PLPP4: variants seen among roughly 807,000 people sequenced by gnomAD.
PLPP4 encodes the protein phospholipid phosphatase 4, also known as diacylglycerol pyrophosphate like 2.
A neutral mutation model predicts 32.2 loss-of-function variants in PLPP4; 20 were observed. The observed-to-expected ratio is 0.62, with a 90% CI of 0.44 to 0.90. PLPP4 has a LOEUF of 0.90. Ranked by LOEUF, PLPP4 falls within the 40% of genes least tolerant of loss-of-function variation. PLPP4 has a pLI of 0.00. For synonymous variants in PLPP4, 127 were observed against 133.0 expected, an observed-to-expected ratio of 0.95 and a Z score of 0.31; for missense variants, 257 against 353.1, an observed-to-expected ratio of 0.73 and a Z score of 2.18.
intron 1 of PLPP4, among the ~76,000 whole-genome samples, chr10:120,462,228 G>GGGTT (rs1848084004): frequency 6.6e-6 from 1 of 150,490 alleles, no homozygotes; most frequent in African/African-American, 2.5e-5. Context: ...GTGGGCTTTG[G>GGGTT]GGTGGGTGGG....
chr10:120,548,082 T>G (rs956934204), intron 5 of PLPP4, among the ~76,000 whole-genome samples: 1 of 152,126 alleles, frequency 6.6e-6, no homozygotes, highest in Non-Finnish European at 1.5e-5. Context: ...CCAAACTTTT[T>G]TTTTAACTTT....
intron 3 of PLPP4, 45 bp from the exon 4 acceptor site, chr10:120,518,788 A>T: frequency 6.6e-7 from 1 of 1,517,792 alleles, no homozygotes; most frequent in Non-Finnish European, 9.1e-7. Flanking sequence ...ATTTTGATTT[A>T]AGAGCCAGCT....
chr10:120,518,742 A>G (rs1393443040), intron 3 of PLPP4, 91 bp from the exon 4 acceptor site: 26 of 1,025,690 alleles, frequency 2.5e-5, no homozygotes, highest in Non-Finnish European at 3.9e-5. Context: ...ATAGTATTAT[A>G]ATGTAACAGT....
rs1410107651 is a variant in PLPP4, at chr10:120,590,970, C to T, written c.*1468C>T. On this transcript the variant is annotated 3_prime_UTR_variant, in exon 7 of 7. Coordinates refer to ENST00000398250, the MANE Select transcript of PLPP4 (RefSeq NM_001030059.3). ...TTTTAGTAGACACGGGGTTTCACCACGTTGGCCAGGCTGGTCTCGGACTCC... is the reference window on the plus strand; with the variant it reads ...TTTTAGTAGACACGGGGTTTCACCATGTTGGCCAGGCTGGTCTCGGACTCC... 1.3e-5 allele frequency among the ~76,000 whole-genome samples: 2 copies of T among 151,824 alleles called. No individual in the cohort carries two copies. The highest frequency in any genetic ancestry group is 2.9e-5 in the Non-Finnish European group (2 of 67,968).
intron 1 of PLPP4, among the ~76,000 whole-genome samples, chr10:120,479,000 G>A (rs1033066003): frequency 6.6e-6 from 1 of 152,214 alleles, no homozygotes. Flanking sequence ...GCCAAGGTGG[G>A]CAGATCATGA....
intron 6 of PLPP4, among the ~76,000 whole-genome samples, chr10:120,585,554 T>A (rs1303532215): frequency 6.6e-6 from 1 of 152,192 alleles, no homozygotes; most frequent in Non-Finnish European, 1.5e-5. Context: ...TTTGGCATGC[T>A]CCATGAAATA....
chr10:120,515,778 G>T (rs1208628948), intron 3 of PLPP4, among the ~76,000 whole-genome samples: 1 of 152,194 alleles, frequency 6.6e-6, no homozygotes, highest in Non-Finnish European at 1.5e-5. Context: ...AGCCCCCTCA[G>T]TTCATTTGGA....
intron 5 of PLPP4, among the ~76,000 whole-genome samples, chr10:120,560,988 G>A (rs1449111269): frequency 6.6e-6 from 1 of 152,124 alleles, no homozygotes; most frequent in Non-Finnish European, 1.5e-5. Flanking sequence ...AGGGTCAACT[G>A]TATATGTAAT....
At chr10:120,534,276 T>A (rs887691437) in intron 5 of PLPP4, among the ~76,000 whole-genome samples, 1 of 152,112 alleles carries the variant, frequency 6.6e-6, no homozygotes, top group African/African-American at 2.4e-5. Flanking sequence ...TTCTGTTTTC[T>A]TCTGGAGTTG....
intron 5 of PLPP4, among the ~76,000 whole-genome samples, chr10:120,537,505 A>AAG (rs1439131076): frequency 6.6e-6 from 1 of 152,222 alleles, no homozygotes; most frequent in African/African-American, 2.4e-5. Context: ...GAACTCATCA[A>AAG]AGCAGAGATT....
intron 1 of PLPP4, among the ~76,000 whole-genome samples, chr10:120,482,675 C>T (rs905697246): frequency 3.9e-5 from 6 of 151,914 alleles, no homozygotes; most frequent in East Asian, 1.9e-4. Context: ...GAGGCTGAGG[C>T]GGGCAGATCA....
intron 2 of PLPP4, among the ~76,000 whole-genome samples, chr10:120,505,400 T>C (rs1364735808): frequency 6.6e-6 from 1 of 152,214 alleles, no homozygotes; most frequent in Non-Finnish European, 1.5e-5. Flanking sequence ...ATAATGTCAC[T>C]TTTGGATGGG....
At chr10:120,552,972 C>T (rs1173728947) in intron 5 of PLPP4, among the ~76,000 whole-genome samples, 1 of 152,200 alleles carries the variant, frequency 6.6e-6, no homozygotes, top group African/African-American at 2.4e-5. Context: ...TTGAGAGGGG[C>T]ATGGACATTA....
At chr10:120,533,998 A>G (rs1210749455) in intron 5 of PLPP4, among the ~76,000 whole-genome samples, 3 of 152,194 alleles carry the variant, frequency 2.0e-5, no homozygotes, top group Non-Finnish European at 4.4e-5. Flanking sequence ...TCAGTTAAGA[A>G]AGGAGAAGAA....
chr10:120,534,743 T>G (rs990112754), intron 5 of PLPP4, among the ~76,000 whole-genome samples: 5 of 152,146 alleles, frequency 3.3e-5, no homozygotes, highest in Non-Finnish European at 7.4e-5. Flanking sequence ...TCTAGTAAAT[T>G]TTTCCCTTCA....
intron 5 of PLPP4, among the ~76,000 whole-genome samples, chr10:120,545,242 C>T (rs577249678): frequency 2.0e-5 from 3 of 152,360 alleles, no homozygotes; most frequent in South Asian, 4.1e-4. Flanking sequence ...AAACTAAGTC[C>T]TGGGTGGAGG....
chr10:120,512,817 A>G (rs1032315843), intron 2 of PLPP4, among the ~76,000 whole-genome samples: 2 of 152,202 alleles, frequency 1.3e-5, no homozygotes, highest in African/African-American at 4.8e-5. Flanking sequence ...ATCTAAAAAA[A>G]TAAAAAATAC....
At chr10:120,476,525 A>C (rs748383497) in intron 1 of PLPP4, among the ~76,000 whole-genome samples, 1 of 152,144 alleles carries the variant, frequency 6.6e-6, no homozygotes, top group Non-Finnish European at 1.5e-5. Flanking sequence ...CTGACTTTCA[A>C]CTTCCTTGTT....
At chr10:120,578,946 G>A (rs372012054) in intron 6 of PLPP4, among the ~76,000 whole-genome samples, 2 of 152,166 alleles carry the variant, frequency 1.3e-5, no homozygotes, top group African/African-American at 2.4e-5. Flanking sequence ...GTTTAGCAGC[G>A]CTCAAACTTG....
Sources: allele counts gnomAD v4.1 joint callset (sites outside exome capture counted in the v4.1 genomes callset), GRCh38; gene constraint gnomAD v4.1.1; transcripts MANE v1.5; gene names NCBI Gene and HGNC (gene_info 2026-07-23, HGNC 2026-07-21).